LCE2B: variants seen among roughly 807,000 people sequenced by gnomAD.
LCE2B encodes late cornified envelope protein 2B.
For synonymous variants in LCE2B, 69 were observed against 52.0 expected (o/e 1.33, Z -1.40); for missense variants, 175 against 141.6 (o/e 1.24, Z -1.20).
At chr1:152,686,307 G>A (rs925541544) in intron 1 of LCE2B, among the ~76,000 whole-genome samples, 151 bp downstream of exon 1, 2 of 152,062 alleles carry the variant, frequency 1.3e-5, no homozygotes, top group African/African-American at 4.8e-5. Context: ...GAGGCTGTGA[G>A]GCCTACCGGA....
chr1:152,686,775 T>A (rs960575175), intron 1 of LCE2B, 49 bp from the exon 2 acceptor site: 30 of 1,581,258 alleles, frequency 1.9e-5, no homozygotes, highest in Non-Finnish European at 2.5e-5. Flanking sequence ...AGAGGTATAA[T>A]ATGATCCTTG....
chr1:152,687,038 C>A lies in LCE2B; in HGVS notation c.195C>A (p.Asn65Lys), dbSNP rs757778576. ...GTCCCAGCTCTGGGGGCTGCTGCAA[C>A]TCTGGGGCTGGTGGCTGCTGCCTGA... ...CCGPSSGGCCNSGAGGCCLSH... is the reference protein window; with the variant it reads ...CCGPSSGGCCKSGAGGCCLSH... Residue 65 changes from asparagine to lysine, a missense_variant, in exon 2 of 2, where the codon AAC becomes AAA. Coordinates refer to ENST00000368780, the MANE Select transcript of LCE2B (RefSeq NM_014357.5). 1 of 1,612,134 alleles carries A rather than the reference C, an allele frequency of 6.2e-7. No homozygotes were observed. The highest frequency in any genetic ancestry group is 1.7e-5 in the Admixed American group (1 of 59,898).
chr1:152,687,246 C>A lies in LCE2B; in HGVS notation c.*70C>A. On this transcript the variant is annotated 3_prime_UTR_variant, in exon 2 of 2. Transcript: ENST00000368780. ...CTACAGCCTGATGCTTAACCCTTTC[C>A]ATTTCCTCTCATTCCATTCATGGGT... 1 of 1,529,830 alleles carries A rather than the reference C, an allele frequency of 6.5e-7. No individual in the cohort carries two copies. The highest frequency in any genetic ancestry group is 8.8e-7 in the Non-Finnish European group (1 of 1,140,710). The allele number at this position is 1,529,830 out of a possible 1,614,324, so 94.8% of individuals were successfully genotyped here.
rs570700910 is a variant in LCE2B at position 152,686,945 on chromosome 1, C to A, written c.102C>A (p.Pro34=). 2.9e-5 allele frequency: 46 copies of A among 1,613,788 alleles called. No individual in the cohort carries two copies. The Middle Eastern group carries it at 4.9e-4, about 17-fold the overall frequency. ...CPPKCPPKCL[P]QCPAPCSPAV... ...CTAAGTGTCCCCCTAAATGCCTGCC[C>A]CAGTGCCCAGCTCCATGTTCCCCTG... The change falls in exon 2 of 2, where the codon CCC becomes CCA. Residue 34 remains proline, a synonymous_variant. Coordinates refer to ENST00000368780, the MANE Select transcript of LCE2B (RefSeq NM_014357.5).
At chr1:152,686,686 C>T in intron 1 of LCE2B, 138 bp from the exon 2 acceptor site, 1 of 1,199,166 alleles carries the variant, frequency 8.3e-7, no homozygotes, top group Non-Finnish European at 1.2e-6. Flanking sequence ...AGGAAAGATT[C>T]AAGTTGTTTC....
chr1:152,687,158 C>T lies in LCE2B; in HGVS notation c.315C>T (p.Ser105=). The part of the protein sequence containing the change: ...EPSGGSGCCH[S]SGGCC The stretch of plus-strand genomic sequence containing the variant: ...CTGGGGGCTCTGGCTGCTGCCACAG[C>T]TCTGGGGGCTGCTGCTGACCTGGGC... The change falls in exon 2 of 2, where the codon AGC becomes AGT. Residue 105 remains serine, a synonymous_variant. Coordinates refer to ENST00000368780, the MANE Select transcript of LCE2B (RefSeq NM_014357.5). 1 of 1,613,500 alleles carries T rather than the reference C, an allele frequency of 6.2e-7. No homozygotes were observed. The highest frequency in any genetic ancestry group is 8.5e-7 in the Non-Finnish European group (1 of 1,179,694).
Position 152,686,853 on chromosome 1 carries a change from C to T in LCE2B, c.10C>T (p.Gln4Ter). 6.2e-7 allele frequency: 1 copy of T among 1,614,098 alleles called. No homozygotes were observed. The highest frequency in any genetic ancestry group is 8.5e-7 in the Non-Finnish European group (1 of 1,180,022). MSC[Q>*]QNQQQCQPPP... ...ACTAAACTCTGCCAGGATGTCTTGC[C>T]AGCAAAACCAGCAGCAGTGCCAGCC... is the stretch of plus-strand genomic sequence containing the variant. Residue 4 changes from glutamine to a stop codon, truncating the protein, a stop_gained, in exon 2 of 2, where the codon CAG (glutamine) becomes TAG (stop). Transcript: ENST00000368780. LOFTEE classifies it low-confidence loss of function (END_TRUNC).
In LCE2B at chr1:152,687,334, T is replaced by C. The variant is rs1473365655; in HGVS notation, c.*158T>C. On this transcript the variant is annotated 3_prime_UTR_variant, in exon 2 of 2. Transcript: ENST00000368780. ...AGAACTTTGCACTTGATGGAGCACC[T>C]CAATTGCAGGTTTTGTTTTCCTCCT... The C allele has an allele frequency of 7.0e-6, 7 of 993,530 alleles. No individual in the cohort carries two copies. The African/African-American group carries it at 1.1e-4, about 16-fold the overall frequency. The allele number at this position is 993,530 out of a possible 1,614,324, so 61.5% of individuals were successfully genotyped here.
In LCE2B at chr1:152,686,899, A is replaced by C. The variant is rs751189395; in HGVS notation, c.56A>C (p.Lys19Thr). The change falls in exon 2 of 2, where the codon AAG becomes ACG. Residue 19 changes from lysine to threonine, a missense_variant. Physicochemically the swap from Lys to Thr is moderately conservative, Grantham distance 78. Coordinates refer to ENST00000368780, the MANE Select transcript of LCE2B (RefSeq NM_014357.5). ...QCQPPPKCPP[K>T]CTPKCPPKCP... ...CAGCCCCCTCCCAAGTGTCCTCCCAAGTGTACCCCAAAATGTCCACCTAAG... is the reference window on the plus strand; with the variant it reads ...CAGCCCCCTCCCAAGTGTCCTCCCACGTGTACCCCAAAATGTCCACCTAAG... 3.7e-6 allele frequency: 6 copies of C among 1,614,130 alleles called. No individual in the cohort carries two copies. The highest frequency in any genetic ancestry group is 3.3e-4 in the Middle Eastern group (2 of 6,062).
chr1:152,686,438 T>C (rs1649132859), intron 1 of LCE2B, among the ~76,000 whole-genome samples: 1 of 151,996 alleles, frequency 6.6e-6, no homozygotes, highest in Non-Finnish European at 1.5e-5. Context: ...AACTGGCAAA[T>C]ACTTCAAGCC....
Position 152,687,213 on chromosome 1 carries a change from A to G in LCE2B, c.*37A>G. On this transcript the variant is annotated 3_prime_UTR_variant, in exon 2 of 2. Coordinates refer to ENST00000368780, the MANE Select transcript of LCE2B (RefSeq NM_014357.5). Reference sequence around the variant, plus strand: ...AAGAACTCTTTGGACAGAATGTTTAAGAACCTCCTACAGCCTGATGCTTAA... The same window carrying G: ...AAGAACTCTTTGGACAGAATGTTTAGGAACCTCCTACAGCCTGATGCTTAA... 1 of 1,588,346 alleles carries G rather than the reference A, an allele frequency of 6.3e-7. No individual in the cohort carries two copies.
At chr1:152,686,536 C>T (rs1649136729) in intron 1 of LCE2B, among the ~76,000 whole-genome samples, 3 of 151,884 alleles carry the variant, frequency 2.0e-5, no homozygotes, top group African/African-American at 7.3e-5. Flanking sequence ...GTCCTTAGGG[C>T]TTGTATTAAG....
At chr1:152,686,598 G>C (rs978353824) in intron 1 of LCE2B, among the ~76,000 whole-genome samples, 6 of 151,968 alleles carry the variant, frequency 3.9e-5, no homozygotes, top group Admixed American at 3.3e-4. Context: ...TGTGAGGATA[G>C]AGTAATCTCA....
At position 152,687,059 on chromosome 1, in the gene LCE2B, C is replaced by A; in HGVS notation, c.216C>A (p.Cys72Ter). Residue 72 changes from cysteine (C) to a stop codon, truncating the protein, a stop_gained, in exon 2 of 2, where the codon TGC becomes TGA. Coordinates refer to ENST00000368780, the MANE Select transcript of LCE2B (RefSeq NM_014357.5). LOFTEE classifies it low-confidence loss of function (END_TRUNC). ...GCAACTCTGGGGCTGGTGGCTGCTG[C>A]CTGAGCCACCACAGGCCCCGTCTCT... Reference protein sequence around the residue: ...GCCNSGAGGCCLSHHRPRLFH... With the variant: ...GCCNSGAGGC The A allele has an allele frequency of 2.5e-6, 4 of 1,613,712 alleles. No individual in the cohort carries two copies. Among genetic ancestry groups the A allele is most frequent in the African/African-American group, 1.3e-5 (1 of 74,846 alleles).
Position 152,686,980 on chromosome 1 carries a change from C to T in LCE2B, c.137C>T (p.Ser46Phe). 6.2e-7 allele frequency: 1 copy of T among 1,611,964 alleles called. No individual in the cohort carries two copies. Among genetic ancestry groups the T allele is most frequent in the Non-Finnish European group, 8.5e-7 (1 of 1,179,916 alleles). Residue 46 changes from serine to phenylalanine, a missense_variant, in exon 2 of 2, where the codon TCT becomes TTT. Transcript: ENST00000368780. ...CPAPCSPAVS[S>F]CCGPISGGCC... ...GCTCCATGTTCCCCTGCAGTCTCTT[C>T]TTGCTGTGGTCCCATCTCTGGGGGC...
rs759888209 is a variant in LCE2B, at chr1:152,686,862, C to A, written c.19C>A (p.Gln7Lys). MSCQQN[Q>K]QQCQPPPKCP... ...TGCCAGGATGTCTTGCCAGCAAAAC[C>A]AGCAGCAGTGCCAGCCCCCTCCCAA... The change falls in exon 2 of 2, where the codon CAG becomes AAG. Residue 7 changes from glutamine to lysine, a missense_variant. By Grantham distance (53) the Gln-to-Lys change is moderately conservative (BLOSUM62 1). Transcript: ENST00000368780. 7.7e-5 allele frequency: 124 copies of A among 1,614,098 alleles called. 1 individual carries two copies. The South Asian group carries it at 1.0e-3, about 13-fold the overall frequency.
At position 152,686,976 on chromosome 1, in the gene LCE2B, T is replaced by C. The variant is rs1557807848; in HGVS notation, c.133T>C (p.Ser45Pro). ...CCCAGCTCCATGTTCCCCTGCAGTC[T>C]CTTCTTGCTGTGGTCCCATCTCTGG... ...QCPAPCSPAV[S>P]SCCGPISGGC... The change falls in exon 2 of 2, where the codon TCT (serine) becomes CCT (proline). Residue 45 changes from serine (S) to proline (P), a missense_variant. Coordinates refer to ENST00000368780, the MANE Select transcript of LCE2B (RefSeq NM_014357.5). 6.2e-7 allele frequency: 1 copy of C among 1,612,030 alleles called. No homozygotes were observed. Among genetic ancestry groups the C allele is most frequent in the Non-Finnish European group, 8.5e-7 (1 of 1,179,902 alleles).
rs1232587627 is a variant in LCE2B at position 152,686,868 on chromosome 1, C to G, written c.25C>G (p.Gln9Glu). Residue 9 changes from glutamine (Q) to glutamate (E), a missense_variant, in exon 2 of 2, where the codon CAG becomes GAG. Physicochemically the swap from Gln to Glu is conservative, Grantham distance 29. Coordinates refer to ENST00000368780, the MANE Select transcript of LCE2B (RefSeq NM_014357.5). The part of the protein sequence containing the change: MSCQQNQQ[Q>E]CQPPPKCPPK... ...GATGTCTTGCCAGCAAAACCAGCAG[C>G]AGTGCCAGCCCCCTCCCAAGTGTCC... is the stretch of plus-strand genomic sequence containing the variant. 6.2e-7 allele frequency: 1 copy of G among 1,614,158 alleles called. No individual in the cohort carries two copies. The highest frequency in any genetic ancestry group is 2.2e-5 in the East Asian group (1 of 44,880).
chr1:152,687,089 C>T lies in LCE2B; in HGVS notation c.246C>T (p.His82=), dbSNP rs201693413. The change falls in exon 2 of 2, where the codon CAC becomes CAT. Residue 82 remains histidine (H), a synonymous_variant. Transcript: ENST00000368780. ...GCCACCACAGGCCCCGTCTCTTCCACCGGCGCCGGCACCAGAGCCCCGACT... is the reference window on the plus strand; with the variant it reads ...GCCACCACAGGCCCCGTCTCTTCCATCGGCGCCGGCACCAGAGCCCCGACT... The part of the protein sequence containing the change: ...CLSHHRPRLF[H]RRRHQSPDCC... The T allele has an allele frequency of 5.8e-5, 94 of 1,613,882 alleles. No individual in the cohort carries two copies. Among genetic ancestry groups the T allele is most frequent in the Admixed American group, 3.8e-4 (23 of 60,006 alleles).
Sources: allele counts gnomAD v4.1 joint callset (sites outside exome capture counted in the v4.1 genomes callset), GRCh38; gene constraint gnomAD v4.1.1; transcripts MANE v1.5; gene names NCBI Gene and HGNC (gene_info 2026-07-23, HGNC 2026-07-21).